Variants in ABCG1 observed in about 807,000 individuals in gnomAD.
ABCG1 encodes the protein ATP-binding cassette sub-family G member 1.
In ABCG1, 29 loss-of-function variants were observed where a neutral mutation model predicts 69.2. That is an observed-to-expected ratio of 0.42 (90% CI 0.31 to 0.57). The LOEUF (loss-of-function observed/expected upper bound fraction) is 0.57. ABCG1 is among the 20% of genes least tolerant of loss of function. ABCG1 has a pLI of 0.15. For missense variants in ABCG1, 718 were observed against 898.1 expected (o/e 0.80, Z 2.56); for synonymous variants, 370 against 374.8 (o/e 0.99, Z 0.15).
At chr21:42,282,987 C>T (rs975614944) in intron 6 of ABCG1, among the ~76,000 whole-genome samples, 3 of 152,168 alleles carry the variant, frequency 2.0e-5, no homozygotes, top group South Asian at 2.1e-4. Context: ...GGGCTCCCTG[C>T]GGAATCACTA....
intron 6 of ABCG1, among the ~76,000 whole-genome samples, chr21:42,283,690 T>TGTGAAGTACCC (rs2123778693): frequency 8.4e-6 from 1 of 119,008 alleles, no homozygotes; most frequent in Admixed American, 9.8e-5. Flanking sequence ...CCCACCTCTT[T>TGTGAAGTACCC]CCCACCTGGA....
rs1408957533 is a variant in ABCG1 at position 42,273,838 on chromosome 21, G to C, written c.537+403G>C. Among the ~76,000 whole-genome samples the C allele has an allele frequency of 2.6e-5, 4 of 152,154 alleles. No homozygotes were observed. The highest frequency in any genetic ancestry group is 5.9e-5 in the Non-Finnish European group (4 of 68,036). ...TTTGGCCCAAGCACCCACTCGCCTG[G>C]TGCCTTGGTCAGGATACCAAGGGTC... On this transcript the variant is annotated intron_variant, in intron 4 of 14. Transcript: ENST00000398449. The surrounding 1 kb of genome is among the most constrained non-coding windows in gnomAD (Gnocchi z 5.3).
At chr21:42,271,650 G>A (rs2068620099) in intron 3 of ABCG1, among the ~76,000 whole-genome samples, 1 of 152,238 alleles carries the variant, frequency 6.6e-6, no homozygotes, top group Non-Finnish European at 1.5e-5. Context: ...GGGAGGCCGA[G>A]GTGGGCGGAT....
At chr21:42,248,771 G>A (rs1749217004) in intron 2 of ABCG1, among the ~76,000 whole-genome samples, 1 of 151,856 alleles carries the variant, frequency 6.6e-6, no homozygotes, top group African/African-American at 2.4e-5. Context: ...CCTGGGCATG[G>A]TGGTGCACAC....
intron 2 of ABCG1, among the ~76,000 whole-genome samples, chr21:42,253,409 T>C (rs1056602404): frequency 5.9e-5 from 9 of 152,196 alleles, no homozygotes; most frequent in African/African-American, 1.9e-4. Context: ...TACAGAAGAA[T>C]GTGCATTCCA....
chr21:42,245,721 A>T (rs1211444150), intron 2 of ABCG1, among the ~76,000 whole-genome samples: 1 of 152,218 alleles, frequency 6.6e-6, no homozygotes, highest in African/African-American at 2.4e-5. Flanking sequence ...GACCAGGAGA[A>T]CTGGGGCTGT....
chr21:42,269,563 T>G (rs1454164898), intron 2 of ABCG1, among the ~76,000 whole-genome samples: 1 of 152,214 alleles, frequency 6.6e-6, no homozygotes, highest in African/African-American at 2.4e-5. Flanking sequence ...CTACCCCCGC[T>G]GGGATGACTC....
At chr21:42,261,117 G>A (rs1002703258) in intron 2 of ABCG1, among the ~76,000 whole-genome samples, 3 of 151,944 alleles carry the variant, frequency 2.0e-5, no homozygotes, top group Admixed American at 1.3e-4. Context: ...CACCGTACCC[G>A]GCCCCTCTCT....
chr21:42,269,246 T>A (rs2068571827), intron 2 of ABCG1, among the ~76,000 whole-genome samples: 1 of 152,158 alleles, frequency 6.6e-6, no homozygotes, highest in Non-Finnish European at 1.5e-5. Flanking sequence ...CTTGGGGATA[T>A]CGCGTGGGTC....
At chr21:42,282,469 G>A (rs1342283366) in intron 6 of ABCG1, 50 bp downstream of exon 6, 12 of 1,560,432 alleles carry the variant, frequency 7.7e-6, no homozygotes, top group Non-Finnish European at 1.0e-5. Flanking sequence ...AGAACCCCCT[G>A]TATTCAGCGG....
Position 42,291,335 on chromosome 21 carries a change from T to G in ABCG1, c.1494+143T>G. 1 of 1,192,982 alleles carries G rather than the reference T, an allele frequency of 8.4e-7. No homozygotes were observed. The highest frequency in any genetic ancestry group is 1.2e-6 in the Non-Finnish European group (1 of 840,674). The allele number at this position is 1,192,982 out of a possible 1,614,324, so 73.9% of individuals were successfully genotyped here. A position where few individuals can be genotyped will look rare whatever the true frequency, so the allele number is the denominator to read the frequency against. ...CTGGTGGGAGCTGCGGGGAAGGGCCTGACTTCGGGAGCTGTGGCGGGAGCT... is the reference window on the plus strand; with the variant it reads ...CTGGTGGGAGCTGCGGGGAAGGGCCGGACTTCGGGAGCTGTGGCGGGAGCT... On this transcript the variant is annotated intron_variant, in intron 12 of 14. Coordinates refer to ENST00000398449, the MANE Select transcript of ABCG1 (RefSeq NM_016818.3). This position sits in a 1 kb window ranked among gnomAD's most constrained non-coding sequence, Gnocchi z 6.4.
At chr21:42,268,382 T>TGTGTGTGC (rs1555957914) in intron 2 of ABCG1, among the ~76,000 whole-genome samples, 1 of 137,536 alleles carries the variant, frequency 7.3e-6, no homozygotes, top group Non-Finnish European at 1.5e-5. Flanking sequence ...TGTGTGTGTG[T>TGTGTGTGC]GTGTGTGCGC....
intron 2 of ABCG1, among the ~76,000 whole-genome samples, chr21:42,230,361 T>G (rs1338991080): frequency 2.6e-5 from 4 of 152,204 alleles, no homozygotes; most frequent in Non-Finnish European, 5.9e-5. Context: ...CAGTAATTAC[T>G]CTCCCTCAAG....
chr21:42,279,897 G>A (rs2068776886), intron 5 of ABCG1, among the ~76,000 whole-genome samples: 1 of 152,240 alleles, frequency 6.6e-6, no homozygotes, highest in Non-Finnish European at 1.5e-5. Flanking sequence ...CCATAGGTGT[G>A]TGTCCTCGTG....
intron 2 of ABCG1, chr21:42,206,852 A>G (rs2067546777): frequency 6.9e-6 from 1 of 144,258 alleles, no homozygotes; most frequent in South Asian, 2.2e-4. Context: ...ATCTGAGAAT[A>G]TCTTGATTTC....
Position 42,291,372 on chromosome 21 carries a change from G to A in ABCG1, c.1495-126G>A. 1.5e-6 allele frequency: 2 copies of A among 1,366,278 alleles called. No homozygotes were observed. The highest frequency in any genetic ancestry group is 2.4e-5 in the East Asian group (1 of 42,196). 84.6% of individuals were successfully genotyped at this position (1,366,278 alleles called of 1,614,324 possible). On this transcript the variant is annotated intron_variant, in intron 12 of 14. Transcript: ENST00000398449. The surrounding 1 kb of genome is among the most constrained non-coding windows in gnomAD (Gnocchi z 6.4). ...CTGTGGCGGGAGCTGTGGGGAGTGG[G>A]GAAGGACCCGACTTTGGGAGCTCTG...
upstream of ABCG1, among the ~76,000 whole-genome samples, chr21:42,215,684 C>T (rs116346670): frequency 4.6e-3 from 694 of 152,212 alleles, 6 homozygotes; most frequent in African/African-American, 0.016. Context: ...GACAAAAGGG[C>T]GTCTTCTAGG....
At chr21:42,211,224 C>G (rs1382680581), upstream of ABCG1, among the ~76,000 whole-genome samples, 1 of 152,170 alleles carries the variant, frequency 6.6e-6, no homozygotes, top group African/African-American at 2.4e-5. Context: ...TCCCAAAGTG[C>G]TGGCATTACA....
chr21:42,212,561 T>C (rs771602601), upstream of ABCG1, among the ~76,000 whole-genome samples: 2 of 152,204 alleles, frequency 1.3e-5, no homozygotes, highest in Non-Finnish European at 2.9e-5. Flanking sequence ...TGTGTCCTCA[T>C]GTTCTGTGAA....
Sources: allele counts gnomAD v4.1 joint callset (sites outside exome capture counted in the v4.1 genomes callset), GRCh38; gene constraint gnomAD v4.1.1; non-coding constraint Gnocchi (gnomAD v3.1); transcripts MANE v1.5; gene names NCBI Gene and HGNC (gene_info 2026-07-23, HGNC 2026-07-21).